PLXNA2: variants seen among roughly 807,000 people sequenced by gnomAD.
PLXNA2 encodes the protein plexin-A2.
In PLXNA2, 91 loss-of-function variants were observed where a neutral mutation model predicts 193.5. The observed-to-expected ratio is 0.47, with a 90% confidence interval of 0.40 to 0.56. The LOEUF (loss-of-function observed/expected upper bound fraction) is 0.56, where lower values mean the gene tolerates loss of function less well. Ranked by LOEUF, PLXNA2 falls within the 20% of genes least tolerant of loss-of-function variation. The pLI, the probability that PLXNA2 is intolerant of heterozygous loss-of-function variation, is 0.00. For missense variants in PLXNA2, 1,995 were observed against 2,503.2 expected (o/e 0.80, Z 4.33); for synonymous variants, 997 against 1,027.3 (o/e 0.97, Z 0.56).
At chr1:208,064,228 T>C (rs796659909) in intron 12 of PLXNA2, among the ~76,000 whole-genome samples, 2 of 152,216 alleles carry the variant, frequency 1.3e-5, no homozygotes, top group Admixed American at 1.3e-4. Context: ...CATCATCTCC[T>C]ACCCACACTA....
At chr1:208,201,750 GA>G (rs112352005) in intron 3 of PLXNA2, among the ~76,000 whole-genome samples, 2,519 of 148,728 alleles carry the variant, frequency 0.017, 84 homozygotes, top group African/African-American at 0.056. Context: ...CACTCCACAG[GA>G]AAAAAAAAAT....
intron 3 of PLXNA2, among the ~76,000 whole-genome samples, chr1:208,183,322 A>G (rs1669901565): frequency 1.3e-5 from 2 of 152,080 alleles, no homozygotes. Context: ...TGTCACTAAC[A>G]TTTCATTTCA....
intron 4 of PLXNA2, among the ~76,000 whole-genome samples, chr1:208,116,645 C>T (rs979526833): frequency 6.6e-6 from 1 of 152,190 alleles, no homozygotes; most frequent in Non-Finnish European, 1.5e-5. Context: ...TCACCACATA[C>T]TCAACTGTAC....
Position 208,028,873 on chromosome 1 carries a change from G to A in PLXNA2, c.5395C>T (p.Leu1799Phe). Residue 1799 changes from leucine to phenylalanine, a missense_variant, in exon 30 of 32, where the codon CTC (leucine) becomes TTC (phenylalanine). Transcript: ENST00000367033. This position sits in a 1 kb window ranked among gnomAD's most constrained non-coding sequence, Gnocchi z 4.2. ...TAGCTGGGGATGTCCTTGGCATAGA[G>A]CAGCTTGTTGGAGGGGGAGTCCTTG... is the stretch of plus-strand genomic sequence containing the variant. ...LGKDSPSNKLLYAKDIPSYKS... is the reference protein window; with the variant it reads ...LGKDSPSNKLFYAKDIPSYKS... 1 of 1,614,204 alleles carries A rather than the reference G, an allele frequency of 6.2e-7. No homozygotes were observed. Among genetic ancestry groups the A allele is most frequent in the Non-Finnish European group, 8.5e-7 (1 of 1,180,028 alleles).
chr1:208,073,391 C>T (rs1483430877), intron 12 of PLXNA2, among the ~76,000 whole-genome samples: 2 of 152,134 alleles, frequency 1.3e-5, no homozygotes, highest in African/African-American at 4.8e-5. Context: ...CAGCCTCTTC[C>T]AGGTGGCCAA....
chr1:208,052,970 G>C (rs1200090387), intron 14 of PLXNA2, among the ~76,000 whole-genome samples: 1 of 152,078 alleles, frequency 6.6e-6, no homozygotes. Context: ...CTGGTGCAGA[G>C]AGCTGTCAGT....
intron 17 of PLXNA2, among the ~76,000 whole-genome samples, chr1:208,050,502 C>A (rs1239873477): frequency 6.6e-6 from 1 of 152,236 alleles, no homozygotes; most frequent in East Asian, 1.9e-4. Context: ...CACTATATCA[C>A]CTTCTGACAA....
chr1:208,143,566 T>C (rs865857705), intron 3 of PLXNA2, among the ~76,000 whole-genome samples: 6 of 152,312 alleles, frequency 3.9e-5, no homozygotes, highest in Middle Eastern at 3.4e-3. Flanking sequence ...CCAGTTTTTC[T>C]AGTTGTTAGT....
chr1:208,048,517 C>T (rs1665151412), intron 17 of PLXNA2, among the ~76,000 whole-genome samples: 1 of 152,222 alleles, frequency 6.6e-6, no homozygotes, highest in African/African-American at 2.4e-5. Context: ...CCCAGCTCCC[C>T]AGAGGGCAGA....
Position 208,168,959 on chromosome 1 carries a change from C to A in PLXNA2, c.1372-26496G>T, listed in dbSNP as rs144589936. Among the ~76,000 whole-genome samples, 318 of 152,006 alleles carry A rather than the reference C, an allele frequency of 2.1e-3. 1 individual carries two copies. The highest frequency in any genetic ancestry group is 0.016 in the Admixed American group (237 of 15,274). On this transcript the variant is annotated intron_variant, in intron 3 of 31. Coordinates refer to ENST00000367033, the MANE Select transcript of PLXNA2 (RefSeq NM_025179.4). ...AGGATCACGGACTCTCAACTCCACCCCCATATTCATTTCAAAAGATACCCT... is the reference window on the plus strand; with the variant it reads ...AGGATCACGGACTCTCAACTCCACCACCATATTCATTTCAAAAGATACCCT...
intron 9 of PLXNA2, among the ~76,000 whole-genome samples, chr1:208,086,946 GCACTCT>G (rs1558184882): frequency 1.3e-5 from 1 of 76,258 alleles, no homozygotes; most frequent in African/African-American, 4.4e-5. Flanking sequence ...GGTCTCTCTC[GCACTCT>G]CTCTCTCTCT....
Position 208,217,955 on chromosome 1 carries a change from T to C in PLXNA2, c.-33A>G. The C allele has an allele frequency of 6.3e-7, 1 of 1,598,532 alleles. No homozygotes were observed. Among genetic ancestry groups the C allele is most frequent in the Non-Finnish European group, 8.5e-7 (1 of 1,178,178 alleles). On this transcript the variant is annotated 5_prime_UTR_variant, in exon 2 of 32. Transcript: ENST00000367033. This position sits in a 1 kb window ranked among gnomAD's most constrained non-coding sequence, Gnocchi z 4.7. ...GGGGCGGCGGTGAGGAGACGGCTCC[T>C]GTGTGTGCTCATCTGCTCCACCTTC...
intron 3 of PLXNA2, among the ~76,000 whole-genome samples, chr1:208,161,951 G>A (rs1669118742): frequency 6.6e-6 from 1 of 152,242 alleles, no homozygotes; most frequent in Non-Finnish European, 1.5e-5. Context: ...AATGTGGCCT[G>A]GGTGCCTGGC....
intron 1 of PLXNA2, among the ~76,000 whole-genome samples, chr1:208,225,643 G>T (rs1671485750): frequency 6.6e-6 from 1 of 152,200 alleles, no homozygotes; most frequent in Non-Finnish European, 1.5e-5. Context: ...AGGTAATCAG[G>T]TTAAGATGAG....
chr1:208,115,756 T>A (rs1401412374), intron 4 of PLXNA2, among the ~76,000 whole-genome samples: 1 of 152,154 alleles, frequency 6.6e-6, no homozygotes, highest in East Asian at 1.9e-4. Flanking sequence ...TCCCAAACTA[T>A]AATGAAATAT....
intron 12 of PLXNA2, among the ~76,000 whole-genome samples, chr1:208,075,204 G>A (rs534580481): frequency 7.9e-5 from 12 of 151,960 alleles, no homozygotes; most frequent in Admixed American, 6.6e-5. Flanking sequence ...CCAGCTACTC[G>A]GAAGGCTGAG....
In PLXNA2 at chr1:208,038,958, G is replaced by T. The variant is rs1274126534; in HGVS notation, c.4527C>A (p.Asn1509Lys). Residue 1509 changes from asparagine to lysine, a missense_variant, in exon 25 of 32, where the codon AAC becomes AAA. By Grantham distance (94) the Asn-to-Lys change is moderately conservative. Transcript: ENST00000367033. This position sits in a 1 kb window ranked among gnomAD's most constrained non-coding sequence, Gnocchi z 4.1. The part of the protein sequence containing the change: ...TLILNCVNPD[N>K]ENSPEIPVKV... The stretch of plus-strand genomic sequence containing the variant: ...TCACTGGGATCTCTGGACTGTTCTC[G>T]TTGTCAGGGTTGACGCAGTTCAGGA... The T allele has an allele frequency of 6.2e-7, 1 of 1,613,974 alleles. No individual in the cohort carries two copies. The highest frequency in any genetic ancestry group is 8.5e-7 in the Non-Finnish European group (1 of 1,179,954).
intron 4 of PLXNA2, among the ~76,000 whole-genome samples, chr1:208,121,420 C>T (rs919128691): frequency 1.3e-5 from 2 of 152,142 alleles, no homozygotes; most frequent in African/African-American, 4.8e-5. Context: ...GTGTCCCCAC[C>T]CATATCTCAC....
At chr1:208,210,772 T>G (rs998037734) in intron 2 of PLXNA2, among the ~76,000 whole-genome samples, 6 of 152,228 alleles carry the variant, frequency 3.9e-5, no homozygotes, top group Non-Finnish European at 5.9e-5. Flanking sequence ...GAACTCATTT[T>G]CTATTTATTT....
Sources: allele counts gnomAD v4.1 joint callset (sites outside exome capture counted in the v4.1 genomes callset), GRCh38; gene constraint gnomAD v4.1.1; non-coding constraint Gnocchi (gnomAD v3.1); transcripts MANE v1.5; gene names NCBI Gene and HGNC (gene_info 2026-07-23, HGNC 2026-07-21).